Variants in CSGALNACT2 observed in about 807,000 individuals in gnomAD.
CSGALNACT2 encodes beta 4 GalNAcT-2.
A neutral mutation model predicts 55.3 loss-of-function variants in CSGALNACT2; 35 were observed. The ratio of observed to expected loss-of-function variants is 0.63; its 90% CI spans 0.48 to 0.84. CSGALNACT2 has a LOEUF of 0.84. Among genes scored for constraint, CSGALNACT2 ranks in the 40% least tolerant of loss-of-function variants. CSGALNACT2 has a pLI of 0.00. For synonymous variants in CSGALNACT2, 196 were observed against 224.9 expected, an observed-to-expected ratio of 0.87 and a Z score of 1.15; for missense variants, 544 against 657.5, an observed-to-expected ratio of 0.83 and a Z score of 1.89.
intron 1 of CSGALNACT2, among the ~76,000 whole-genome samples, chr10:43,144,322 T>C (rs1838695867): frequency 6.6e-6 from 1 of 152,218 alleles, no homozygotes; most frequent in South Asian, 2.1e-4. Flanking sequence ...ATAATCAAGA[T>C]TGAGTAAAAA....
intron 1 of CSGALNACT2, among the ~76,000 whole-genome samples, chr10:43,148,319 G>C (rs1404793820): frequency 6.6e-6 from 1 of 152,028 alleles, no homozygotes; most frequent in South Asian, 2.1e-4. Context: ...TTTGGAATTG[G>C]GAAGTGTTTT....
intron 1 of CSGALNACT2, among the ~76,000 whole-genome samples, chr10:43,144,329 A>G (rs1838696013): frequency 1.3e-5 from 2 of 152,244 alleles, no homozygotes; most frequent in African/African-American, 4.8e-5. Context: ...AGATTGAGTA[A>G]AAACTCCTTA....
chr10:43,167,618 A>G (rs1839294629), intron 6 of CSGALNACT2, among the ~76,000 whole-genome samples: 1 of 152,164 alleles, frequency 6.6e-6, no homozygotes, highest in African/African-American at 2.4e-5. Flanking sequence ...GAGAAGTTGC[A>G]AAGATAGTAC....
intron 6 of CSGALNACT2, among the ~76,000 whole-genome samples, chr10:43,168,263 C>T (rs1395875250): frequency 6.6e-6 from 1 of 151,822 alleles, no homozygotes; most frequent in Non-Finnish European, 1.5e-5. Context: ...CCAGCATGGC[C>T]AATATGGTGA....
At position 43,158,895 on chromosome 10, in the gene CSGALNACT2, G is replaced by T. The variant is rs1839081592; in HGVS notation, c.842G>T (p.Arg281Ile). The stretch of plus-strand genomic sequence containing the variant: ...AATATCATTGTGCCACTTGCTGAAA[G>T]AACTGAAGCATTTGTACAATTTATG... ...IINIIVPLAE[R>I]TEAFVQFMQN... The change falls in exon 3 of 8, where the codon AGA becomes ATA. Residue 281 changes from arginine (R) to isoleucine (I), a missense_variant. By Grantham distance (97) the Arg-to-Ile change is moderately conservative (BLOSUM62 -3). Coordinates refer to ENST00000374466, the MANE Select transcript of CSGALNACT2 (RefSeq NM_018590.5). The T allele has an allele frequency of 1.2e-6, 2 of 1,610,506 alleles. No individual in the cohort carries two copies. The highest frequency in any genetic ancestry group is 1.7e-6 in the Non-Finnish European group (2 of 1,177,208).
chr10:43,163,853 G>A lies in CSGALNACT2; in HGVS notation c.981-13G>A. Reference sequence around the variant, plus strand: ...GTGGGACTTATCATTTGTTGTGTGTGCTTTCCTCATAGTGAGTCTAATTTT... The same window carrying A: ...GTGGGACTTATCATTTGTTGTGTGTACTTTCCTCATAGTGAGTCTAATTTT... On this transcript the variant is annotated splice_polypyrimidine_tract_variant and intron_variant, in intron 4 of 7. Coordinates refer to ENST00000374466, the MANE Select transcript of CSGALNACT2 (RefSeq NM_018590.5). The A allele has an allele frequency of 6.2e-7, 1 of 1,605,166 alleles. No homozygotes were observed. The highest frequency in any genetic ancestry group is 8.5e-7 in the Non-Finnish European group (1 of 1,174,088).
intron 6 of CSGALNACT2, among the ~76,000 whole-genome samples, chr10:43,171,843 T>C (rs749714346): frequency 1.3e-5 from 2 of 152,246 alleles, no homozygotes; most frequent in Non-Finnish European, 2.9e-5. Context: ...AAAACTTGTT[T>C]TCCTTGATGT....
chr10:43,162,467 C>A (rs1839173009), intron 4 of CSGALNACT2: 2 of 985,366 alleles, frequency 2.0e-6, no homozygotes, highest in South Asian at 9.4e-5. Context: ...GTGATCAGTG[C>A]CTCCACTTGA....
chr10:43,179,249 G>GT (rs370486751), intron 7 of CSGALNACT2, among the ~76,000 whole-genome samples: 6,549 of 129,302 alleles, frequency 0.051, 171 homozygotes, highest in South Asian at 0.1. Flanking sequence ...TTGCTTGCCG[G>GT]TTTTTTTTTT....
chr10:43,181,821 G>A (rs1346278730), intron 7 of CSGALNACT2, among the ~76,000 whole-genome samples: 4 of 126,050 alleles, frequency 3.2e-5, no homozygotes, highest in African/African-American at 9.9e-5. Flanking sequence ...GGTGGCTCAC[G>A]CCTGTAATCC....
chr10:43,163,944 C>T lies in CSGALNACT2; in HGVS notation c.1059C>T (p.Ala353=). Residue 353 remains alanine, a synonymous_variant, in exon 5 of 8, where the codon GCC becomes GCT. Transcript: ENST00000374466. ...FNRGRGLNVG[A]RAWDKGEVLM... ...GTGGACGAGGACTAAATGTGGGTGC[C>T]CGAGCTTGGGACAAGGGAGAGGTCT... is the stretch of plus-strand genomic sequence containing the variant. The T allele has an allele frequency of 6.2e-7, 1 of 1,613,940 alleles. No individual in the cohort carries two copies. Among genetic ancestry groups the T allele is most frequent in the Middle Eastern group, 1.7e-4 (1 of 6,058 alleles).
intron 1 of CSGALNACT2, among the ~76,000 whole-genome samples, 178 bp downstream of exon 1, chr10:43,138,745 G>C (rs1470206240): frequency 6.6e-6 from 1 of 152,162 alleles, no homozygotes; most frequent in African/African-American, 2.4e-5. Flanking sequence ...ACCGGTTTTA[G>C]GGAAAGCGCG....
chr10:43,146,081 T>C (rs755799068), intron 1 of CSGALNACT2, among the ~76,000 whole-genome samples: 1 of 152,124 alleles, frequency 6.6e-6, no homozygotes, highest in Non-Finnish European at 1.5e-5. Context: ...GATATATGTA[T>C]ATATGAAAGG....
At chr10:43,160,631 T>C (rs376967219) in intron 4 of CSGALNACT2, 36 bp downstream of exon 4, 55 of 854,852 alleles carry the variant, frequency 6.4e-5, no homozygotes, top group Non-Finnish European at 9.2e-5. Context: ...GGCCTTGATA[T>C]ATAACATTGC....
intron 1 of CSGALNACT2, among the ~76,000 whole-genome samples, chr10:43,141,113 T>G (rs1175907586): frequency 1.3e-5 from 2 of 152,078 alleles, no homozygotes; most frequent in Non-Finnish European, 1.5e-5. Flanking sequence ...GTGTGGTGGC[T>G]CATGCCTGTA....
At chr10:43,141,309 C>A (rs1838616153) in intron 1 of CSGALNACT2, among the ~76,000 whole-genome samples, 1 of 152,090 alleles carries the variant, frequency 6.6e-6, no homozygotes, top group Non-Finnish European at 1.5e-5. Flanking sequence ...GCTCCACCTC[C>A]CAGGTTCACG....
chr10:43,162,136 C>T (rs1430192272), intron 4 of CSGALNACT2: 2 of 518,652 alleles, frequency 3.9e-6, no homozygotes, highest in Non-Finnish European at 7.7e-6. Flanking sequence ...GACTTGAATA[C>T]CATCAAAATT....
Position 43,183,344 on chromosome 10 carries a change from G to A in CSGALNACT2, c.1431G>A (p.Pro477=), listed in dbSNP as rs142915653. ...LHGDLIVIRT[P]VPGLFHLWHE... ...GTGACCTCATTGTGATTCGGACTCC[G>A]GTTCCTGGTCTTTTCCACCTCTGGC... Residue 477 remains proline (P), a synonymous_variant, in exon 8 of 8, where the codon CCG becomes CCA. Transcript: ENST00000374466. 159 of 1,614,052 alleles carry A rather than the reference G, an allele frequency of 9.9e-5. No homozygotes were observed. Among genetic ancestry groups the A allele is most frequent in the Admixed American group, 3.0e-4 (18 of 60,014 alleles).
chr10:43,143,313 T>C (rs1348993721), intron 1 of CSGALNACT2, among the ~76,000 whole-genome samples: 3 of 152,358 alleles, frequency 2.0e-5, no homozygotes, highest in Admixed American at 2.0e-4. Flanking sequence ...TTTCCTCTAT[T>C]GATGAACATT....
Sources: gnomAD v4.1 joint callset for allele counts (sites outside exome capture counted in the v4.1 genomes callset) on GRCh38, gnomAD v4.1.1 for gene constraint, MANE v1.5 for transcripts, NCBI Gene and HGNC (gene_info 2026-07-23, HGNC 2026-07-21) for gene names.